Variants in FRMPD4 observed in about 807,000 individuals in gnomAD.
The protein encoded by FRMPD4 is FERM and PDZ domain-containing protein 4.
Under a neutral mutation model 94.1 loss-of-function variants are expected in FRMPD4, and 22 were observed. The ratio of observed to expected loss-of-function variants is 0.23; its 90% CI spans 0.17 to 0.33. The LOEUF is 0.33. Ranked by LOEUF, FRMPD4 falls within the 10% of genes least tolerant of loss-of-function variation. FRMPD4 has a pLI of 1.00. For synonymous variants in FRMPD4, 631 were observed against 548.6 expected, an observed-to-expected ratio of 1.15 and a Z score of -2.10; for missense variants, 1,111 against 1,339.9, an observed-to-expected ratio of 0.83 and a Z score of 2.67.
chrX:12,471,421 T>G (rs2057510342), intron 1 of FRMPD4, among the ~76,000 whole-genome samples: 1 of 112,016 alleles, frequency 8.9e-6, no homozygotes, highest in Non-Finnish European at 1.9e-5. Flanking sequence ...GATACAGTTT[T>G]AAAGAACTTC....
intron 3 of FRMPD4, among the ~76,000 whole-genome samples, chrX:11,943,123 T>C (rs1303264753): frequency 8.9e-6 from 1 of 111,960 alleles, no homozygotes; most frequent in Non-Finnish European, 1.9e-5. Flanking sequence ...TCTTGATTAT[T>C]GAACAGAAAT....
intron 1 of FRMPD4, among the ~76,000 whole-genome samples, chrX:12,232,250 C>T (rs919995205): frequency 9.0e-6 from 1 of 111,400 alleles, no homozygotes; most frequent in South Asian, 3.8e-4. Context: ...AAGGATATAC[C>T]CAAGACTGGG....
intron 3 of FRMPD4, among the ~76,000 whole-genome samples, chrX:12,062,614 T>G (rs2054893660): frequency 9.0e-6 from 1 of 111,310 alleles, no homozygotes; most frequent in South Asian, 3.9e-4. Context: ...CTCAGCAGTG[T>G]TTTAGTATTT....
At chrX:11,942,271 T>C (rs1413623505) in intron 3 of FRMPD4, among the ~76,000 whole-genome samples, 1 of 102,317 alleles carries the variant, frequency 9.8e-6, no homozygotes, top group Non-Finnish European at 2.0e-5. Context: ...TCTCACTATG[T>C]TGTATGTTGC....
At chrX:12,381,993 C>T (rs1213155977) in intron 1 of FRMPD4, among the ~76,000 whole-genome samples, 1 of 110,535 alleles carries the variant, frequency 9.0e-6, no homozygotes, top group Non-Finnish European at 1.9e-5. Flanking sequence ...TGGGGAAGAG[C>T]AAGAAGACCT....
intron 3 of FRMPD4, among the ~76,000 whole-genome samples, chrX:12,009,414 T>A (rs1222936041): frequency 8.9e-6 from 1 of 112,657 alleles, no homozygotes; most frequent in Admixed American, 9.4e-5. Flanking sequence ...AAATATTGTT[T>A]AAAAATTCAT....
chrX:12,302,229 T>C (rs923025502), intron 1 of FRMPD4, among the ~76,000 whole-genome samples: 1 of 112,074 alleles, frequency 8.9e-6, no homozygotes, highest in Admixed American at 9.4e-5. Flanking sequence ...CCATATCTTT[T>C]GGCAATCTTG....
intron 1 of FRMPD4, among the ~76,000 whole-genome samples, chrX:12,368,497 A>G (rs1362748410): frequency 9.0e-6 from 1 of 111,236 alleles, no homozygotes; most frequent in East Asian, 2.8e-4. Flanking sequence ...TGGCGAGGGA[A>G]CATGTTTTAC....
intron 3 of FRMPD4, among the ~76,000 whole-genome samples, chrX:12,089,133 A>G (rs1055125450): frequency 8.9e-6 from 1 of 112,162 alleles, no homozygotes; most frequent in Non-Finnish European, 1.9e-5. Flanking sequence ...GATAATTGTA[A>G]TCATTCATTT....
intron 1 of FRMPD4, among the ~76,000 whole-genome samples, chrX:12,481,942 CAAAAAAAA>C (rs56366427): frequency 0.024 from 274 of 11,557 alleles, 1 homozygote; most frequent in Middle Eastern, 0.077. Context: ...GACTACATCT[CAAAAAAAA>C]AAAAAAAAAA....
chrX:12,078,062 A>C (rs1379814598), intron 3 of FRMPD4, among the ~76,000 whole-genome samples: 1 of 111,569 alleles, frequency 9.0e-6, no homozygotes, highest in Admixed American at 9.6e-5. Context: ...ATCTTCCTCC[A>C]AGTTCCCTCA....
chrX:12,680,667 T>C (rs150107818), intron 5 of FRMPD4, among the ~76,000 whole-genome samples: 2 of 112,365 alleles, frequency 1.8e-5, no homozygotes, highest in African/African-American at 3.2e-5. Context: ...TCAAATTGTG[T>C]ATAAAATAAT....
chrX:12,485,902 C>T (rs2057734554), intron 1 of FRMPD4, among the ~76,000 whole-genome samples: 1 of 102,697 alleles, frequency 9.7e-6, no homozygotes, highest in Non-Finnish European at 2.0e-5. Context: ...GAGGGAGATT[C>T]TTTCTCAAAA....
chrX:12,355,969 G>A (rs1462493112), intron 1 of FRMPD4, among the ~76,000 whole-genome samples: 1 of 111,936 alleles, frequency 8.9e-6, no homozygotes. Context: ...GACTGGGGAC[G>A]TGGATTTTGG....
intron 1 of FRMPD4, among the ~76,000 whole-genome samples, chrX:12,240,343 C>T (rs1295181347): frequency 3.6e-5 from 4 of 112,334 alleles, no homozygotes; most frequent in Non-Finnish European, 7.5e-5. Context: ...TCTGCCTTCA[C>T]AGTTGGCTGG....
At chrX:12,062,011 TTAG>T (rs914499350) in intron 3 of FRMPD4, among the ~76,000 whole-genome samples, 12 of 111,947 alleles carry the variant, frequency 1.1e-4, no homozygotes, top group African/African-American at 3.9e-4. Flanking sequence ...CTATTCAGTC[TTAG>T]TAGCCTTAAA....
intron 1 of FRMPD4, among the ~76,000 whole-genome samples, chrX:12,144,284 G>C (rs2055732386): frequency 8.9e-6 from 1 of 112,056 alleles, no homozygotes; most frequent in South Asian, 3.7e-4. Flanking sequence ...ATTATAATGA[G>C]AAATCATAGA....
intron 1 of FRMPD4, among the ~76,000 whole-genome samples, chrX:12,194,853 G>C (rs1317763578): frequency 8.9e-6 from 1 of 111,822 alleles, no homozygotes; most frequent in Non-Finnish European, 1.9e-5. Flanking sequence ...ACATGAAATG[G>C]AACTTCCCAG....
intron 1 of FRMPD4, among the ~76,000 whole-genome samples, chrX:12,408,285 T>C (rs1411883447): frequency 2.8e-5 from 3 of 108,026 alleles, no homozygotes; most frequent in Admixed American, 2.0e-4. Context: ...TTACTTGCTT[T>C]GGTTCCATCC....
Sources: allele counts gnomAD v4.1 joint callset (sites outside exome capture counted in the v4.1 genomes callset), GRCh38; gene constraint gnomAD v4.1.1; transcripts MANE v1.5; gene names NCBI Gene and HGNC (gene_info 2026-07-23, HGNC 2026-07-21).